The following MRPS35 variants were observed in gnomAD, a reference collection of about 807,000 sequenced individuals.
MRPS35 encodes the protein mitochondrial ribosomal protein S35.
A neutral mutation model predicts 32.7 loss-of-function variants in MRPS35; 29 were observed. That is an observed-to-expected ratio of 0.89 (90% CI 0.66 to 1.21). MRPS35 has a LOEUF of 1.21. MRPS35 is among the 50% of genes most tolerant of loss of function. MRPS35 has a pLI of 0.00. For synonymous variants in MRPS35, 148 were observed against 139.3 expected (o/e 1.06, Z -0.44); for missense variants, 373 against 383.8 (o/e 0.97, Z 0.23).
At chr12:27,724,425 C>G (rs2061891286) in intron 5 of MRPS35, among the ~76,000 whole-genome samples, 3 of 151,848 alleles carry the variant, frequency 2.0e-5, no homozygotes, top group South Asian at 4.2e-4. Context: ...TAATATTTTT[C>G]ACAGAAATTT....
At chr12:27,746,696 T>C (rs1229346351) in intron 7 of MRPS35, among the ~76,000 whole-genome samples, 3 of 152,230 alleles carry the variant, frequency 2.0e-5, no homozygotes, top group African/African-American at 7.2e-5. Context: ...TTTTATTATA[T>C]ACTTAAAAGA....
At chr12:27,719,099 A>G (rs2061862483) in intron 3 of MRPS35, among the ~76,000 whole-genome samples, 1 of 152,172 alleles carries the variant, frequency 6.6e-6, no homozygotes, top group Non-Finnish European at 1.5e-5. Context: ...AAAAAAGAAA[A>G]AAACAAAACA....
chr12:27,718,424 A>G (rs963531736), intron 3 of MRPS35, among the ~76,000 whole-genome samples: 2 of 152,148 alleles, frequency 1.3e-5, no homozygotes, highest in Non-Finnish European at 2.9e-5. Context: ...AAAACAAAAA[A>G]CATTATTTTC....
At chr12:27,715,933 C>T (rs2061848538) in intron 2 of MRPS35, among the ~76,000 whole-genome samples, 1 of 152,128 alleles carries the variant, frequency 6.6e-6, no homozygotes, top group African/African-American at 2.4e-5. Context: ...GTACTACTGA[C>T]TTCCATCAAA....
intron 7 of MRPS35, among the ~76,000 whole-genome samples, chr12:27,751,864 C>T (rs2062005701): frequency 6.6e-6 from 1 of 152,210 alleles, no homozygotes; most frequent in Non-Finnish European, 1.5e-5. Context: ...CGCCTGCACG[C>T]CAAACTCGCT....
intron 6 of MRPS35, among the ~76,000 whole-genome samples, chr12:27,737,031 A>G (rs1192058598): frequency 6.6e-6 from 1 of 152,172 alleles, no homozygotes; most frequent in African/African-American, 2.4e-5. Flanking sequence ...GCGCATCACC[A>G]TGCCTGGCTA....
intron 7 of MRPS35, among the ~76,000 whole-genome samples, chr12:27,738,780 AAG>A (rs1233558141): frequency 6.6e-6 from 1 of 152,170 alleles, no homozygotes; most frequent in African/African-American, 2.4e-5. Context: ...AAAAAGGAAA[AAG>A]AAGTAAAGAA....
At chr12:27,755,153 CATT>C (rs1158187958) in intron 7 of MRPS35, 25 bp from the exon 8 acceptor site, 43 of 1,477,594 alleles carry the variant, frequency 2.9e-5, no homozygotes, top group Non-Finnish European at 3.8e-5. Context: ...ATTCAGAACT[CATT>C]TTTTTTTGTT....
chr12:27,712,565 A>G (rs2061832503), intron 1 of MRPS35, among the ~76,000 whole-genome samples: 1 of 152,168 alleles, frequency 6.6e-6, no homozygotes, highest in Non-Finnish European at 1.5e-5. Flanking sequence ...TATTTGCGAT[A>G]TATTTTGAAG....
At chr12:27,743,570 G>A (rs2061971837) in intron 7 of MRPS35, among the ~76,000 whole-genome samples, 1 of 152,130 alleles carries the variant, frequency 6.6e-6, no homozygotes, top group African/African-American at 2.4e-5. Context: ...TTTATTAATT[G>A]TCTATTTGCT....
At chr12:27,745,948 C>G (rs1216256279) in intron 7 of MRPS35, among the ~76,000 whole-genome samples, 1 of 152,178 alleles carries the variant, frequency 6.6e-6, no homozygotes, top group Non-Finnish European at 1.5e-5. Flanking sequence ...GCCACATTTT[C>G]TTAATGCAGT....
chr12:27,724,053 G>A lies in MRPS35; in HGVS notation c.389G>A (p.Cys130Tyr). ...KKHCEALKDF[C>Y]TEWPAALDSD... ...TTATTTCTTTTATTCTCAGATTTTT[G>A]CACTGAGTGGCCAGCCGCACTGGAC... The change falls in exon 5 of 8, where the codon TGC becomes TAC. Residue 130 changes from cysteine to tyrosine, a missense_variant. Transcript: ENST00000081029. 6.2e-7 allele frequency: 1 copy of A among 1,600,184 alleles called. No homozygotes were observed. The highest frequency in any genetic ancestry group is 1.1e-5 in the South Asian group (1 of 87,792).
chr12:27,750,411 T>C (rs1257886276), intron 7 of MRPS35, among the ~76,000 whole-genome samples: 1 of 152,242 alleles, frequency 6.6e-6, no homozygotes, highest in African/African-American at 2.4e-5. Flanking sequence ...ATACCTGATA[T>C]ATAATTAAGT....
intron 7 of MRPS35, among the ~76,000 whole-genome samples, chr12:27,740,413 G>C (rs11049114): frequency 6.6e-6 from 1 of 151,916 alleles, no homozygotes; most frequent in Non-Finnish European, 1.5e-5. Context: ...GACTACAGGC[G>C]CATGGCACCA....
At chr12:27,723,274 GTT>G (rs748308191) in intron 4 of MRPS35, among the ~76,000 whole-genome samples, 1 of 146,230 alleles carries the variant, frequency 6.8e-6, no homozygotes, top group Non-Finnish European at 1.5e-5. Context: ...TTTCCTTTAA[GTT>G]TTTTTTTTTT....
Position 27,730,668 on chromosome 12 carries a change from G to C in MRPS35, c.523-4779G>C, listed in dbSNP as rs371934935. 7.9e-5 allele frequency among the ~76,000 whole-genome samples: 12 copies of C among 152,112 alleles called. No individual in the cohort carries two copies. In the South Asian group the frequency reaches 2.3e-3, roughly 29 times the overall value. ...TTTTGCCATGTTGCCAGGGGGTTTT[G>C]CCATGTTGCCAGGGCTGGTCTGGAA... On this transcript the variant is annotated intron_variant, in intron 5 of 7. Transcript: ENST00000081029.
chr12:27,736,797 T>C (rs910816827), intron 6 of MRPS35, among the ~76,000 whole-genome samples: 9 of 152,208 alleles, frequency 5.9e-5, no homozygotes, highest in African/African-American at 2.2e-4. Context: ...CATTGTATAG[T>C]GTAACTCATT....
rs1410180717 is a variant in MRPS35 at position 27,719,875 on chromosome 12, G to A, written c.382+7G>A. 3 of 1,590,766 alleles carry A rather than the reference G, an allele frequency of 1.9e-6. No homozygotes were observed. In the South Asian group the frequency reaches 3.4e-5, roughly 18 times the overall value. On this transcript the variant is annotated splice_region_variant and intron_variant, in intron 4 of 7. Transcript: ENST00000081029. ...CACTGTGAAGCCCTTAAAGGTAAGT[G>A]GTTATTTTCTTATATGAATTTTATA...
chr12:27,737,663 C>G (rs1190255575), intron 7 of MRPS35, 55 bp downstream of exon 7: 3 of 1,394,778 alleles, frequency 2.2e-6, no homozygotes, highest in Non-Finnish European at 3.0e-6. Context: ...ATGATGTTAA[C>G]CTTTCAAAAT....
Sources: gnomAD v4.1 joint callset for allele counts (sites outside exome capture counted in the v4.1 genomes callset) on GRCh38, gnomAD v4.1.1 for gene constraint, MANE v1.5 for transcripts, NCBI Gene and HGNC (gene_info 2026-07-23, HGNC 2026-07-21) for gene names.